Variants in BCAS3 observed in about 807,000 individuals in gnomAD.
BCAS3 encodes the protein BCAS3 microtubule associated cell migration factor, also known as BCAS4/BCAS3 fusion.
Under a neutral mutation model 116.1 loss-of-function variants are expected in BCAS3, and 53 were observed. The observed-to-expected ratio is 0.46, with a 90% confidence interval of 0.37 to 0.57. BCAS3 has a LOEUF of 0.57. Among genes scored for constraint, BCAS3 ranks in the 20% least tolerant of loss-of-function variants. The probability of loss-of-function intolerance (pLI) is 0.00; values close to 1 mark genes in which losing one functional copy is unlikely to be tolerated. For synonymous variants in BCAS3, 391 were observed against 408.2 expected (o/e 0.96, Z 0.51); for missense variants, 917 against 1,165.4 (o/e 0.79, Z 3.10).
chr17:60,887,093 C>G lies in BCAS3; in HGVS notation c.662-2602C>G, dbSNP rs567298700. 1,303 of 154,512 alleles carry G rather than the reference C, an allele frequency of 8.4e-3. 9 individuals carry two copies. Among genetic ancestry groups the G allele is most frequent in the Non-Finnish European group, 0.013 (874 of 69,098 alleles). 9.6% of individuals were successfully genotyped at this position (154,512 alleles called of 1,614,324 possible). ...CTCAGACTGCTGTGCTGGCAATCAG[C>G]GAGACTCCGTGGGCGTAGGACCCTC... On this transcript the variant is annotated intron_variant, in intron 9 of 23. Transcript: ENST00000407086.
Position 61,013,870 on chromosome 17 carries a change from T to TA in BCAS3, c.1487-1880dup, listed in dbSNP as rs953884159. ...AATTCTGAAGCCACTGTCATCTTGT[T>TA]ACGATTTTTTAGAAAGGCACTTTTG... On this transcript the variant is annotated intron_variant, in intron 15 of 23. Coordinates refer to ENST00000407086, the MANE Select transcript of BCAS3 (RefSeq NM_017679.5). The surrounding 1 kb of genome is among the most constrained non-coding windows in gnomAD (Gnocchi z 4.4). Among the ~76,000 whole-genome samples the TA allele has an allele frequency of 3.3e-5, 5 of 152,132 alleles. No homozygotes were observed. Among genetic ancestry groups the TA allele is most frequent in the Non-Finnish European group, 7.4e-5 (5 of 67,958 alleles).
At chr17:60,915,241 T>G (rs1396727699) in intron 12 of BCAS3, among the ~76,000 whole-genome samples, 3 of 152,116 alleles carry the variant, frequency 2.0e-5, no homozygotes, top group Non-Finnish European at 4.4e-5. Context: ...ACAAGAAAAT[T>G]TTCTGAGTGA....
chr17:61,202,216 C>A (rs1373878050), intron 22 of BCAS3, among the ~76,000 whole-genome samples: 1 of 148,342 alleles, frequency 6.7e-6, no homozygotes, highest in African/African-American at 2.5e-5. Context: ...CAGCTCACTA[C>A]AAGCTCTGCC....
Position 61,145,695 on chromosome 17 carries a change from G to T in BCAS3, c.2425+61131G>T, listed in dbSNP as rs1043985676. 5.9e-5 allele frequency among the ~76,000 whole-genome samples: 9 copies of T among 152,196 alleles called. No homozygotes were observed. The highest frequency in any genetic ancestry group is 1.3e-4 in the Admixed American group (2 of 15,268). On this transcript the variant is annotated intron_variant, in intron 22 of 23. Transcript: ENST00000407086. This position sits in a 1 kb window ranked among gnomAD's most constrained non-coding sequence, Gnocchi z 5.0. The stretch of plus-strand genomic sequence containing the variant: ...TCCCCTTTTTACTTAAGCTGAAAAA[G>T]AATATAAAAATTAAAGAGAAATTGA...
chr17:61,272,484 T>G (rs2050367209), intron 22 of BCAS3, among the ~76,000 whole-genome samples: 1 of 151,094 alleles, frequency 6.6e-6, no homozygotes, highest in South Asian at 2.1e-4. Context: ...AATACAAAAA[T>G]TAGCCAGGCA....
rs540621653 is a variant in BCAS3 at position 61,391,559 on chromosome 17, G to A, written c.2594-418G>A. ...AGGCAGGGATGCTGCAAGCCCTCCC[G>A]TGTCCTAGCTTCTCCCCGCCTGCCT... On this transcript the variant is annotated intron_variant, in intron 23 of 23. Transcript: ENST00000407086. The surrounding 1 kb of genome is among the most constrained non-coding windows in gnomAD (Gnocchi z 7.7). 16 of 170,350 alleles carry A rather than the reference G, an allele frequency of 9.4e-5. No individual in the cohort carries two copies. The highest frequency in any genetic ancestry group is 4.9e-4 in the Admixed American group (8 of 16,246). 10.6% of individuals were successfully genotyped at this position (170,350 alleles called of 1,614,324 possible). A position where few individuals can be genotyped will look rare whatever the true frequency, so the allele number is the denominator to read the frequency against.
intron 22 of BCAS3, among the ~76,000 whole-genome samples, chr17:61,129,156 T>C (rs971457197): frequency 1.3e-5 from 2 of 152,208 alleles, no homozygotes; most frequent in African/African-American, 2.4e-5. Flanking sequence ...CCTGAGGGTA[T>C]GGAGTAAGAA....
intron 14 of BCAS3, among the ~76,000 whole-genome samples, chr17:60,971,240 C>A (rs2145348526): frequency 6.6e-6 from 1 of 152,248 alleles, no homozygotes; most frequent in Middle Eastern, 3.4e-3. Context: ...AGACCACTGG[C>A]CAGGCCATTG....
At chr17:60,950,979 A>G (rs2060800848) in intron 14 of BCAS3, among the ~76,000 whole-genome samples, 1 of 152,184 alleles carries the variant, frequency 6.6e-6, no homozygotes, top group South Asian at 2.1e-4. Flanking sequence ...GGAGATTTTT[A>G]TTTAAATTGC....
At chr17:60,816,582 T>G (rs183280684) in intron 7 of BCAS3, among the ~76,000 whole-genome samples, 13 of 152,294 alleles carry the variant, frequency 8.5e-5, no homozygotes, top group African/African-American at 3.1e-4. Context: ...CAGCTTTTCA[T>G]TTTTATAAAT....
chr17:60,814,709 C>A (rs1056706392), intron 7 of BCAS3, among the ~76,000 whole-genome samples: 3 of 152,120 alleles, frequency 2.0e-5, no homozygotes, highest in Non-Finnish European at 4.4e-5. Flanking sequence ...TAGAATTTTT[C>A]AGTGTGGAAA....
rs559831963 is a variant in BCAS3, at chr17:61,201,271, A to T, written c.2425+116707A>T. Among the ~76,000 whole-genome samples, 12 of 152,248 alleles carry T rather than the reference A, an allele frequency of 7.9e-5. No homozygotes were observed. In the South Asian group the frequency reaches 2.5e-3, roughly 32 times the overall value. On this transcript the variant is annotated intron_variant, in intron 22 of 23. Transcript: ENST00000407086. ...TACTTCCATCTCATGGAAATCACCC[A>T]CTTGCCTGACTCACAAGAGCACTGA...
intron 11 of BCAS3, among the ~76,000 whole-genome samples, chr17:60,908,730 T>A (rs2058326930): frequency 6.6e-6 from 1 of 152,228 alleles, no homozygotes; most frequent in Admixed American, 6.5e-5. Flanking sequence ...ACAAAACAGT[T>A]ACAATTGATT....
At position 60,791,278 on chromosome 17, in the gene BCAS3, A is replaced by T. The variant is rs576289331; in HGVS notation, c.404-16726A>T. On this transcript the variant is annotated intron_variant, in intron 6 of 23. Transcript: ENST00000407086. Reference sequence around the variant, plus strand: ...GTATTAGTTAAGTCACAATCTCAGTATATTACCATTAACCTTTCCTTCTTT... The same window carrying T: ...GTATTAGTTAAGTCACAATCTCAGTTTATTACCATTAACCTTTCCTTCTTT... 7.2e-5 allele frequency among the ~76,000 whole-genome samples: 11 copies of T among 152,328 alleles called. No individual in the cohort carries two copies. The East Asian group carries it at 2.1e-3, about 29-fold the overall frequency.
chr17:60,969,573 A>G (rs576925751), intron 14 of BCAS3, among the ~76,000 whole-genome samples: 1 of 152,298 alleles, frequency 6.6e-6, no homozygotes, highest in South Asian at 2.1e-4. Flanking sequence ...GAGCCAACAT[A>G]CATGTAGTTA....
intron 5 of BCAS3, among the ~76,000 whole-genome samples, chr17:60,730,100 G>A (rs1328773456): frequency 1.3e-5 from 2 of 152,222 alleles, no homozygotes; most frequent in African/African-American, 2.4e-5. Flanking sequence ...AATGGCTAGA[G>A]TTTTGAAGTG....
At chr17:61,049,056 T>C (rs1202651390) in intron 19 of BCAS3, among the ~76,000 whole-genome samples, 3 of 152,016 alleles carry the variant, frequency 2.0e-5, no homozygotes, top group East Asian at 3.8e-4. Flanking sequence ...CCCAGCACTT[T>C]GGGATGCCAA....
chr17:60,805,827 T>TA (rs111512926), intron 6 of BCAS3, among the ~76,000 whole-genome samples: 92 of 138,932 alleles, frequency 6.6e-4, no homozygotes, highest in African/African-American at 1.4e-3. Flanking sequence ...ACTCCATCTG[T>TA]AAAAAAAAAA....
At chr17:60,896,293 C>T (rs1371451559) in intron 10 of BCAS3, among the ~76,000 whole-genome samples, 2 of 152,178 alleles carry the variant, frequency 1.3e-5, no homozygotes, top group East Asian at 1.9e-4. Context: ...GCACTCCAGC[C>T]TAGGTGACAA....
Sources: allele counts gnomAD v4.1 joint callset (sites outside exome capture counted in the v4.1 genomes callset), GRCh38; gene constraint gnomAD v4.1.1; non-coding constraint Gnocchi (gnomAD v3.1); transcripts MANE v1.5; gene names NCBI Gene and HGNC (gene_info 2026-07-23, HGNC 2026-07-21).